Variants in CRACDL observed in about 807,000 individuals in gnomAD.
CRACDL encodes the protein CRACD-like protein.
A neutral mutation model predicts 70.6 loss-of-function variants in CRACDL; 26 were observed. The ratio of observed to expected loss-of-function variants is 0.37; its 90% CI spans 0.27 to 0.51. The LOEUF (loss-of-function observed/expected upper bound fraction) is 0.51, where lower values mean the gene tolerates loss of function less well. CRACDL is among the 20% of genes least tolerant of loss of function. CRACDL has a pLI of 0.94. For missense variants in CRACDL, 1,283 were observed against 1,376.9 expected, an observed-to-expected ratio of 0.93 and a Z score of 1.08; for synonymous variants, 618 against 615.2, an observed-to-expected ratio of 1.00 and a Z score of -0.07.
Position 98,838,235 on chromosome 2 carries a change from C to T in CRACDL, c.123G>A (p.Lys41=). The T allele has an allele frequency of 2.5e-6, 4 of 1,612,926 alleles. No homozygotes were observed. The highest frequency in any genetic ancestry group is 3.4e-6 in the Non-Finnish European group (4 of 1,179,138). Residue 41 remains lysine, a synonymous_variant, in exon 3 of 10, where the codon AAG becomes AAA. Coordinates refer to ENST00000397899, the MANE Select transcript of CRACDL (RefSeq NM_207362.3). ...CTGTGGACGACGGCGATTCTTTTCTCTTCTTCTTCCCAAAAAACTTCTTAA... is the reference window on the plus strand; with the variant it reads ...CTGTGGACGACGGCGATTCTTTTCTTTTCTTCTTCCCAAAAAACTTCTTAA... ...KTFKKFFGKK[K]RKESPSSTGS... is the part of the protein sequence containing the mutation.
chr2:98,798,962 G>T (rs1304879967), intron 7 of CRACDL, among the ~76,000 whole-genome samples: 1 of 152,180 alleles, frequency 6.6e-6, no homozygotes, highest in African/African-American at 2.4e-5. Context: ...GCAATTACAG[G>T]CGTGAGCCAC....
chr2:98,917,028 T>C (rs1187020154), intron 1 of CRACDL, among the ~76,000 whole-genome samples: 1 of 152,264 alleles, frequency 6.6e-6, no homozygotes, highest in East Asian at 1.9e-4. Context: ...CTGCACCTTC[T>C]GTCTCCTATC....
chr2:98,839,676 G>A (rs1376749154), intron 2 of CRACDL, among the ~76,000 whole-genome samples: 2 of 152,058 alleles, frequency 1.3e-5, no homozygotes, highest in African/African-American at 4.8e-5. Flanking sequence ...CTCCTACTAG[G>A]CTTTGTAATT....
At chr2:98,816,678 G>A (rs1704795603) in intron 7 of CRACDL, among the ~76,000 whole-genome samples, 1 of 152,166 alleles carries the variant, frequency 6.6e-6, no homozygotes, top group Non-Finnish European at 1.5e-5. Context: ...TTTGTACTGG[G>A]TGACATGCAA....
intron 1 of CRACDL, among the ~76,000 whole-genome samples, chr2:98,900,257 G>A (rs1250565294): frequency 8.2e-6 from 1 of 121,978 alleles, no homozygotes; most frequent in African/African-American, 3.1e-5. Context: ...AGGAGGGAAG[G>A]CAGGGGACAG....
At chr2:98,833,565 A>G (rs1441811309) in intron 3 of CRACDL, among the ~76,000 whole-genome samples, 2 of 152,244 alleles carry the variant, frequency 1.3e-5, no homozygotes, top group Non-Finnish European at 2.9e-5. Flanking sequence ...CTGTGTGACC[A>G]AAACCTCTGT....
At chr2:98,795,077 A>ATATATATATATATATATATATTTTTTTTT in intron 9 of CRACDL, among the ~76,000 whole-genome samples, 1 of 58,510 alleles carries the variant, frequency 1.7e-5, no homozygotes, top group Non-Finnish European at 3.1e-5. Context: ...ATATATATAT[A>ATATATATATATATATATATATTTTTTTTT]TTTTTTTTTT....
chr2:98,878,844 G>A (rs1298690164), intron 1 of CRACDL, among the ~76,000 whole-genome samples: 4 of 152,220 alleles, frequency 2.6e-5, no homozygotes, highest in South Asian at 4.1e-4. Flanking sequence ...TCATACCATC[G>A]TGAAGTTGAA....
chr2:98,842,617 A>G (rs1223197646), intron 2 of CRACDL, among the ~76,000 whole-genome samples: 2 of 152,084 alleles, frequency 1.3e-5, no homozygotes, highest in African/African-American at 4.8e-5. Context: ...CTCTGTTCCT[A>G]TAATTTTGCC....
At chr2:98,906,701 G>A (rs920330614) in intron 1 of CRACDL, among the ~76,000 whole-genome samples, 2 of 152,114 alleles carry the variant, frequency 1.3e-5, no homozygotes, top group African/African-American at 4.8e-5. Flanking sequence ...GGTATTTATC[G>A]ACCTTTTCTC....
chr2:98,888,272 T>C (rs1428989230), intron 1 of CRACDL, among the ~76,000 whole-genome samples: 1 of 152,270 alleles, frequency 6.6e-6, no homozygotes, highest in Non-Finnish European at 1.5e-5. Flanking sequence ...CTTTTGTTTG[T>C]AATTTTTTCC....
chr2:98,914,850 G>A (rs906901541), intron 1 of CRACDL, among the ~76,000 whole-genome samples: 6 of 152,336 alleles, frequency 3.9e-5, no homozygotes, highest in South Asian at 4.1e-4. Context: ...TCCTGTGCCC[G>A]GTTAGACAGC....
chr2:98,926,787 G>C (rs1708917826), intron 1 of CRACDL, among the ~76,000 whole-genome samples: 1 of 152,224 alleles, frequency 6.6e-6, no homozygotes, highest in Non-Finnish European at 1.5e-5. Context: ...TATTAACTTA[G>C]CAGTGGGTTA....
chr2:98,913,337 G>T (rs1708587791), intron 1 of CRACDL, among the ~76,000 whole-genome samples: 1 of 152,184 alleles, frequency 6.6e-6, no homozygotes, highest in South Asian at 2.1e-4. Flanking sequence ...CTGTCGGGGG[G>T]TGGGAAGGGA....
intron 1 of CRACDL, among the ~76,000 whole-genome samples, chr2:98,859,967 C>T (rs959620273): frequency 6.6e-6 from 1 of 151,980 alleles, no homozygotes; most frequent in Admixed American, 6.6e-5. Context: ...GGATTTAAGA[C>T]CAATACAAAA....
chr2:98,821,737 T>A, intron 7 of CRACDL, 120 bp downstream of exon 7: 1 of 1,308,036 alleles, frequency 7.6e-7, no homozygotes. Context: ...TTCTGACTCC[T>A]TCCAATTCCC....
rs548982163 is a variant in CRACDL, at chr2:98,821,938, G to A, written c.2335C>T (p.Pro779Ser). Residue 779 changes from proline (P) to serine (S), a missense_variant, in exon 7 of 10, where the codon CCC (proline) becomes TCC (serine). Coordinates refer to ENST00000397899, the MANE Select transcript of CRACDL (RefSeq NM_207362.3). Reference sequence around the variant, plus strand: ...CGCTCTCCCGGGCCGGCGTCGGGGGGCGCGGGCTGGTGCGGGAGCGTGAAG... The same window carrying A: ...CGCTCTCCCGGGCCGGCGTCGGGGGACGCGGGCTGGTGCGGGAGCGTGAAG... ...QSFTLPHQPA[P>S]PDAGPGEREP... 39 of 1,564,692 alleles carry A rather than the reference G, an allele frequency of 2.5e-5. No homozygotes were observed. Among genetic ancestry groups the A allele is most frequent in the African/African-American group, 1.4e-4 (10 of 72,438 alleles).
chr2:98,849,863 C>G (rs938871863), intron 1 of CRACDL, among the ~76,000 whole-genome samples: 3 of 152,150 alleles, frequency 2.0e-5, no homozygotes, highest in Non-Finnish European at 4.4e-5. Context: ...GTTAGGCAGT[C>G]CCGGGGTGGC....
intron 7 of CRACDL, among the ~76,000 whole-genome samples, chr2:98,818,737 G>A (rs1324783495): frequency 2.0e-5 from 3 of 152,202 alleles, no homozygotes; most frequent in South Asian, 4.1e-4. Context: ...AACAGATTTG[G>A]CATCTAGGGA....
Sources: allele counts gnomAD v4.1 joint callset (sites outside exome capture counted in the v4.1 genomes callset), GRCh38; gene constraint gnomAD v4.1.1; transcripts MANE v1.5; gene names NCBI Gene and HGNC (gene_info 2026-07-23, HGNC 2026-07-21).